TFG: variants seen among roughly 807,000 people sequenced by gnomAD.
The protein encoded by TFG is trafficking from ER to golgi regulator.
Under a neutral mutation model 51.4 loss-of-function variants are expected in TFG, and 22 were observed. That is an observed-to-expected ratio of 0.43 (90% CI 0.31 to 0.61). TFG has a LOEUF of 0.61. TFG is among the 20% of genes least tolerant of loss of function. TFG has a pLI of 0.12. For missense variants in TFG, 419 were observed against 487.7 expected (o/e 0.86, Z 1.33); for synonymous variants, 187 against 165.6 (o/e 1.13, Z -0.99).
chr3:100,719,198 C>T (rs572336017), intron 2 of TFG, among the ~76,000 whole-genome samples: 2 of 152,314 alleles, frequency 1.3e-5, no homozygotes, highest in South Asian at 4.1e-4. Flanking sequence ...CAGAAGTAGT[C>T]TTGTGGCCTC....
chr3:100,732,869 A>G lies in TFG; in HGVS notation c.580+197A>G, dbSNP rs796348999. On this transcript the variant is annotated intron_variant, in intron 5 of 7. Coordinates refer to ENST00000240851, the MANE Select transcript of TFG (RefSeq NM_006070.6). ...GATTAAGATGTAGATGATTTCCAGC[A>G]CTTCAGAAAGCTTTCTTATGTCCTC... 4.6e-5 allele frequency among the ~76,000 whole-genome samples: 7 copies of G among 152,202 alleles called. No individual in the cohort carries two copies. In the South Asian group the frequency reaches 1.4e-3, roughly 31 times the overall value.
At chr3:100,720,782 T>G (rs1209183901) in intron 3 of TFG, among the ~76,000 whole-genome samples, 2 of 152,214 alleles carry the variant, frequency 1.3e-5, no homozygotes, top group Non-Finnish European at 2.9e-5. Flanking sequence ...TTTAATCTTT[T>G]AGATTTTTTC....
At chr3:100,725,785 T>A (rs184097099) in intron 3 of TFG, among the ~76,000 whole-genome samples, 75 of 152,078 alleles carry the variant, frequency 4.9e-4, no homozygotes, top group Non-Finnish European at 8.5e-4. Context: ...AGAGCAAGAC[T>A]CTGTCTCAAA....
chr3:100,729,347 A>T (rs113740006), intron 4 of TFG, among the ~76,000 whole-genome samples: 1,559 of 152,314 alleles, frequency 0.01, 27 homozygotes, highest in African/African-American at 0.036. Flanking sequence ...AATTTGAAAC[A>T]CAGTTTTTAA....
At chr3:100,727,776 C>G (rs1027458319) in intron 3 of TFG, among the ~76,000 whole-genome samples, 1 of 152,266 alleles carries the variant, frequency 6.6e-6, no homozygotes, top group South Asian at 2.1e-4. Flanking sequence ...CTGGAAGTAA[C>G]TGCTTTGAAG....
In TFG at chr3:100,713,840, A is replaced by G. The variant is rs1183399004; in HGVS notation, c.155A>G (p.Asp52Gly). 5 of 1,571,490 alleles carry G rather than the reference A, an allele frequency of 3.2e-6. No individual in the cohort carries two copies. The Admixed American group carries it at 6.8e-5, about 21-fold the overall frequency. ...RVFRGKLLSN[D>G]EVTIKYKDED... Reference sequence around the variant, plus strand: ...TTCAGAGGAAAACTTCTGAGTAATGATGAAGTAACAATAAAGTATAAAGAT... The same window carrying G: ...TTCAGAGGAAAACTTCTGAGTAATGGTGAAGTAACAATAAAGTATAAAGAT... Residue 52 changes from aspartate (D) to glycine (G), a missense_variant, in exon 2 of 8, where the codon GAT becomes GGT. Physicochemically the swap from Asp to Gly is moderately conservative, Grantham distance 94. Coordinates refer to ENST00000240851, the MANE Select transcript of TFG (RefSeq NM_006070.6).
At chr3:100,721,918 A>C (rs1054609707) in intron 3 of TFG, among the ~76,000 whole-genome samples, 2 of 152,264 alleles carry the variant, frequency 1.3e-5, no homozygotes, top group African/African-American at 4.8e-5. Flanking sequence ...TGGGAGGCCA[A>C]GGCGGGCGGA....
rs369559199 is a variant in TFG at position 100,731,930 on chromosome 3, C to T, written c.416-578C>T. The stretch of plus-strand genomic sequence containing the variant: ...TTAATAAGTATTTTAATAAGTAATA[C>T]ATATTAAAATAGAAGGTAGCAAATT... On this transcript the variant is annotated intron_variant, in intron 4 of 7. Coordinates refer to ENST00000240851, the MANE Select transcript of TFG (RefSeq NM_006070.6). 1.5e-4 allele frequency among the ~76,000 whole-genome samples: 23 copies of T among 152,134 alleles called. No homozygotes were observed. In the East Asian group the frequency reaches 1.5e-3, roughly 10 times the overall value.
intron 2 of TFG, 85 bp from the exon 3 acceptor site, chr3:100,719,890 T>G (rs2095056006): frequency 2.5e-6 from 2 of 799,104 alleles, no homozygotes; most frequent in Admixed American, 3.1e-5. Flanking sequence ...ACATTTTGGA[T>G]TTTTAATTTT....
intron 3 of TFG, among the ~76,000 whole-genome samples, chr3:100,725,036 T>C (rs545431416): frequency 3.3e-5 from 5 of 152,322 alleles, no homozygotes; most frequent in Admixed American, 6.5e-5. Flanking sequence ...CCCGAGTAGC[T>C]GGGACTACAG....
chr3:100,724,699 A>G (rs1216210364), intron 3 of TFG, among the ~76,000 whole-genome samples: 1 of 152,222 alleles, frequency 6.6e-6, no homozygotes, highest in Non-Finnish European at 1.5e-5. Flanking sequence ...ATTAAGTAAT[A>G]TTTACAAATC....
chr3:100,721,486 C>G (rs967717508), intron 3 of TFG, among the ~76,000 whole-genome samples: 2 of 152,068 alleles, frequency 1.3e-5, no homozygotes. Flanking sequence ...CAGGGAAAGT[C>G]AAGGAAGCTT....
In TFG at chr3:100,720,005, C is replaced by A; in HGVS notation, c.215C>A (p.Ser72Tyr). 1 of 1,563,530 alleles carries A rather than the reference C, an allele frequency of 6.4e-7. No individual in the cohort carries two copies. Among genetic ancestry groups the A allele is most frequent in the African/African-American group, 1.4e-5 (1 of 70,974 alleles). ...GATCTTATAACAATTTTTGATAGTT[C>A]TGACCTTTCCTTTGCAATTCAGTGC... ...DGDLITIFDS[S>Y]DLSFAIQCSR... Residue 72 changes from serine (S) to tyrosine (Y), a missense_variant, in exon 3 of 8, where the codon TCT becomes TAT. Transcript: ENST00000240851.
At chr3:100,722,365 C>A (rs978185812) in intron 3 of TFG, among the ~76,000 whole-genome samples, 1 of 151,958 alleles carries the variant, frequency 6.6e-6, no homozygotes, top group Non-Finnish European at 1.5e-5. Context: ...CAGAGTAAAG[C>A]ACAAAAACAC....
At chr3:100,715,459 C>T (rs2095043154) in intron 2 of TFG, among the ~76,000 whole-genome samples, 2 of 152,138 alleles carry the variant, frequency 1.3e-5, no homozygotes, top group Admixed American at 1.3e-4. Flanking sequence ...AAGTATAGTC[C>T]CTGGCTGAGC....
intron 4 of TFG, among the ~76,000 whole-genome samples, chr3:100,729,426 G>A (rs777093212): frequency 1.3e-5 from 2 of 152,098 alleles, no homozygotes; most frequent in Non-Finnish European, 2.9e-5. Flanking sequence ...TTAAGATAAA[G>A]CAAAATGTGT....
At chr3:100,735,434 A>G (rs931206) in intron 5 of TFG, among the ~76,000 whole-genome samples, 38,874 of 152,118 alleles carry the variant, frequency 0.26, 5,538 homozygotes, top group East Asian at 0.51. Context: ...AGCCCATGCT[A>G]TAAGCTCTTG....
chr3:100,739,519 C>T (rs554084006), intron 6 of TFG, among the ~76,000 whole-genome samples: 7 of 152,068 alleles, frequency 4.6e-5, no homozygotes, highest in South Asian at 2.1e-4. Flanking sequence ...CATCAGAGAT[C>T]GGGAGATATT....
chr3:100,714,364 G>A (rs1252911388), intron 2 of TFG, among the ~76,000 whole-genome samples: 1 of 152,046 alleles, frequency 6.6e-6, no homozygotes, highest in Non-Finnish European at 1.5e-5. Context: ...AGCTGGGCGT[G>A]GTGGTGTGCG....
Sources: allele counts gnomAD v4.1 joint callset (sites outside exome capture counted in the v4.1 genomes callset), GRCh38; gene constraint gnomAD v4.1.1; transcripts MANE v1.5; gene names NCBI Gene and HGNC (gene_info 2026-07-23, HGNC 2026-07-21).